Variants in NBPF20 observed in about 807,000 individuals in gnomAD.
The protein encoded by NBPF20 is NBPF member 20, also known as NBPF family member NBPF20.
Under a neutral mutation model 68.1 loss-of-function variants are expected in NBPF20, and 90 were observed. That is an observed-to-expected ratio of 1.32 (90% confidence interval 1.11 to 1.58). NBPF20 has a LOEUF of 1.58. Ranked by LOEUF, NBPF20 falls within the 40% of genes most tolerant of loss-of-function variation. NBPF20 has a pLI of 0.00. For missense variants in NBPF20, 816 were observed against 601.2 expected (o/e 1.36, Z -3.74); for synonymous variants, 290 against 228.1 (o/e 1.27, Z -2.45).
exon 137 of NBPF20, chr1:145,292,474 C>A (rs782364354): frequency 1.4e-6 from 1 of 716,352 alleles, no homozygotes. Flanking sequence ...CTTCCCCTTC[C>A]CCTTCTTTTC....
chr1:145,407,519 A>ATAT (rs1662852899), upstream of NBPF20, among the ~76,000 whole-genome samples: 1 of 146,946 alleles, frequency 6.8e-6, no homozygotes, highest in Admixed American at 6.8e-5. Flanking sequence ...ACGTGTATAT[A>ATAT]CATACGTGTA....
Position 145,399,108 on chromosome 1 carries a change from TAAATTC to T in NBPF20, c.776-14_776-9del. On this transcript the variant is annotated splice_polypyrimidine_tract_variant and intron_variant, in intron 6 of 137. Transcript: ENST00000369373. Reference sequence around the variant, plus strand: ...CATCATCACTTTCATTTTCTGTAAATAAATTCAGAGAAGCAGGTCACATTAAGCAAT... The same window carrying T: ...CATCATCACTTTCATTTTCTGTAAATAGAGAAGCAGGTCACATTAAGCAAT... The T allele has an allele frequency of 1.6e-6, 1 of 643,516 alleles. No homozygotes were observed. The highest frequency in any genetic ancestry group is 2.8e-6 in the Non-Finnish European group (1 of 359,686). 39.9% of individuals were successfully genotyped at this position (643,516 alleles called of 1,614,324 possible). A position where few individuals can be genotyped will look rare whatever the true frequency, so the allele number is the denominator to read the frequency against.
At chr1:145,425,224 C>T in the NBPF20 span, among the ~76,000 whole-genome samples, 1 of 151,700 alleles carries the variant, frequency 6.6e-6, no homozygotes, top group Non-Finnish European at 1.5e-5. Context: ...ACACACGCCC[C>T]CCCCAACCCC....
At position 145,292,497 on chromosome 1, in the gene NBPF20, A is replaced by G. The variant is rs782188045; in HGVS notation, c.16589-8T>C. ...TCCCCTTCTTTTCAATTTCTGCAATAAATTCAGACATGGACAGACACATTA... is the reference window on the plus strand; with the variant it reads ...TCCCCTTCTTTTCAATTTCTGCAATGAATTCAGACATGGACAGACACATTA... On this transcript the variant is annotated splice_region_variant and splice_polypyrimidine_tract_variant and intron_variant, in intron 136 of 137. Transcript: ENST00000369373. 1.8e-5 allele frequency: 13 copies of G among 707,442 alleles called. No individual in the cohort carries two copies. In the Admixed American group the frequency reaches 2.5e-4, roughly 13 times the overall value. 43.8% of individuals were successfully genotyped at this position (707,442 alleles called of 1,614,324 possible).
At chr1:145,410,745 T>A in the NBPF20 span, among the ~76,000 whole-genome samples, 1 of 143,338 alleles carries the variant, frequency 7.0e-6, no homozygotes, top group African/African-American at 2.6e-5. Flanking sequence ...TGTGTATATA[T>A]ATATACATAT....
upstream of NBPF20, chr1:145,405,583 A>G: frequency 1.2e-6 from 1 of 845,112 alleles, no homozygotes; most frequent in Non-Finnish European, 1.8e-6. Context: ...GCAATAACAG[A>G]ATTAGAAGGT....
At chr1:145,419,799 C>G in the NBPF20 span, among the ~76,000 whole-genome samples, 1 of 152,114 alleles carries the variant, frequency 6.6e-6, no homozygotes, top group Non-Finnish European at 1.5e-5. Flanking sequence ...TAGCCCAGAG[C>G]AGGGCATGGT....
At chr1:145,393,657 A>C in intron 9 of NBPF20, 2 of 1,217,960 alleles carry the variant, frequency 1.6e-6, no homozygotes, top group Middle Eastern at 2.8e-4. Flanking sequence ...ATGAGAATAC[A>C]GCTTTTGAGT....
At chr1:145,407,829 G>T (rs1662872717), upstream of NBPF20, 1 of 160,352 alleles carries the variant, frequency 6.2e-6, no homozygotes, top group Non-Finnish European at 1.4e-5. Flanking sequence ...GGGCAACAAG[G>T]ACCCACCTTC....
chr1:145,422,042 A>G, the NBPF20 span, among the ~76,000 whole-genome samples: 2 of 150,352 alleles, frequency 1.3e-5, no homozygotes, highest in Admixed American at 6.6e-5. Flanking sequence ...TGTCTCAAGA[A>G]AAAAAAAAAA....
exon 4 of NBPF20, chr1:145,402,257 C>G (rs1310083835): frequency 8.1e-6 from 13 of 1,609,764 alleles, no homozygotes; most frequent in Admixed American, 1.7e-5. Flanking sequence ...TTGTCCGGCT[C>G]ATCCGGAGTA....
chr1:145,366,765 G>A (rs1221651737), intron 43 of NBPF20, among the ~76,000 whole-genome samples: 7 of 25,600 alleles, frequency 2.7e-4, no homozygotes, highest in African/African-American at 5.4e-4. Context: ...CCATGCAGTC[G>A]CCATGAGAAT....
At chr1:145,398,052 C>T (rs1662347445) in intron 7 of NBPF20, among the ~76,000 whole-genome samples, 1 of 152,160 alleles carries the variant, frequency 6.6e-6, no homozygotes, top group Admixed American at 6.5e-5. Context: ...CATATATGCA[C>T]CGTATACAGG....
chr1:145,401,070 C>T lies in NBPF20; in HGVS notation c.555G>A (p.Ser185=), dbSNP rs200315261. Reference sequence around the variant, plus strand: ...GTATTCAGTGTTACCTGGGGGCAGACGATTTCTGCACTTTCTCAGCCAACT... The same window carrying T: ...GTATTCAGTGTTACCTGGGGGCAGATGATTTCTGCACTTTCTCAGCCAACT... Residue 185 remains serine, a synonymous_variant, in exon 5 of 138, where the codon TCG becomes TCA. Coordinates refer to ENST00000369373, the Ensembl canonical transcript of NBPF20. 1.2e-3 allele frequency: 1,955 copies of T among 1,607,918 alleles called. 31 individuals carry two copies. The South Asian group carries it at 0.02, about 16-fold the overall frequency.
chr1:145,411,982 C>A, the NBPF20 span, among the ~76,000 whole-genome samples: 1 of 101,700 alleles, frequency 9.8e-6, no homozygotes, highest in African/African-American at 4.2e-5. Flanking sequence ...CAGACAGAGC[C>A]CACAAGCCTC....
chr1:145,409,686 C>T (rs1337161093), upstream of NBPF20, among the ~76,000 whole-genome samples: 6 of 150,858 alleles, frequency 4.0e-5, no homozygotes, highest in Non-Finnish European at 8.9e-5. Context: ...AAGATAAGGG[C>T]CCCCAGCACC....
chr1:145,407,685 G>A (rs759280149), upstream of NBPF20: 168 of 151,880 alleles, frequency 1.1e-3, 2 homozygotes, highest in Non-Finnish European at 1.7e-3. Flanking sequence ...CGAGCTCTCC[G>A]CCTCCCCCAC....
At chr1:145,397,297 C>G (rs1373341804) in intron 7 of NBPF20, among the ~76,000 whole-genome samples, 1 of 152,080 alleles carries the variant, frequency 6.6e-6, no homozygotes, top group Non-Finnish European at 1.5e-5. Flanking sequence ...AATGGGATGG[C>G]TGGGTCAAAT....
chr1:145,398,008 A>G (rs1260473590), intron 7 of NBPF20, among the ~76,000 whole-genome samples: 1 of 152,220 alleles, frequency 6.6e-6, no homozygotes, highest in African/African-American at 2.4e-5. Context: ...ATAATGGTAA[A>G]GGGATCAATT....
Sources: gnomAD v4.1 joint callset for allele counts (sites outside exome capture counted in the v4.1 genomes callset) on GRCh38, gnomAD v4.1.1 for gene constraint, MANE v1.5 for transcripts, NCBI Gene and HGNC (gene_info 2026-07-23, HGNC 2026-07-21) for gene names.